Variants in FBXO4 observed in about 807,000 individuals in gnomAD.
FBXO4 encodes the protein F-box only protein 4.
A neutral mutation model predicts 43.7 loss-of-function variants in FBXO4; 36 were observed. The observed-to-expected ratio is 0.82, with a 90% CI of 0.63 to 1.09. The LOEUF (loss-of-function observed/expected upper bound fraction) is 1.09. FBXO4 is among the 50% of genes least tolerant of loss of function. The probability of loss-of-function intolerance (pLI) is 0.00; values close to 1 mark genes in which losing one functional copy is unlikely to be tolerated. For missense variants in FBXO4, 435 were observed against 474.1 expected (o/e 0.92, Z 0.77); for synonymous variants, 180 against 165.6 (o/e 1.09, Z -0.67).
chr5:41,991,147 A>G, the FBXO4 span, among the ~76,000 whole-genome samples: 1 of 152,146 alleles, frequency 6.6e-6, no homozygotes, highest in African/African-American at 2.4e-5. Context: ...TAACCTGCTG[A>G]CCATTTTATC....
chr5:42,038,634 TTTAG>T, the FBXO4 span, among the ~76,000 whole-genome samples: 2 of 152,222 alleles, frequency 1.3e-5, no homozygotes, highest in East Asian at 3.9e-4. Flanking sequence ...ATTCTACACT[TTTAG>T]TTATTTTAAA....
At chr5:41,996,365 G>A in the FBXO4 span, among the ~76,000 whole-genome samples, 1 of 152,168 alleles carries the variant, frequency 6.6e-6, no homozygotes, top group African/African-American at 2.4e-5. Flanking sequence ...AACAGGCCAA[G>A]AGCTGTCACT....
At chr5:41,965,679 G>A in the FBXO4 span, among the ~76,000 whole-genome samples, 7 of 152,216 alleles carry the variant, frequency 4.6e-5, no homozygotes, top group Non-Finnish European at 1.0e-4. Flanking sequence ...AGATACTGGA[G>A]AGGATGTGGA....
At chr5:41,946,432 T>C (rs760330026), downstream of FBXO4, among the ~76,000 whole-genome samples, 1 of 152,214 alleles carries the variant, frequency 6.6e-6, no homozygotes, top group African/African-American at 2.4e-5. Context: ...CTTTTTTAGC[T>C]GGTCGAATAA....
chr5:42,001,668 C>A, the FBXO4 span, among the ~76,000 whole-genome samples: 2 of 151,396 alleles, frequency 1.3e-5, no homozygotes, highest in African/African-American at 2.4e-5. Flanking sequence ...GGGATTGTTA[C>A]CTTACTTTTT....
chr5:41,930,095 G>A, intron 3 of FBXO4, 178 bp downstream of exon 3: 1 of 551,262 alleles, frequency 1.8e-6, no homozygotes, highest in East Asian at 3.0e-5. Flanking sequence ...CTATAAGAAA[G>A]CTTCCTCTTA....
At chr5:41,976,199 G>T in the FBXO4 span, among the ~76,000 whole-genome samples, 17 of 152,212 alleles carry the variant, frequency 1.1e-4, no homozygotes, top group African/African-American at 3.6e-4. Context: ...ATTTGGAGGG[G>T]AAAAATGTCC....
chr5:41,934,605 A>T (rs999141437), intron 5 of FBXO4: 2 of 1,292,996 alleles, frequency 1.5e-6, no homozygotes, highest in African/African-American at 3.0e-5. Context: ...GGGAATTCTG[A>T]TGCATTCCAA....
chr5:41,955,711 G>A, the FBXO4 span, among the ~76,000 whole-genome samples: 1 of 152,184 alleles, frequency 6.6e-6, no homozygotes, highest in Admixed American at 6.5e-5. Flanking sequence ...GATCTTCAGA[G>A]TCTCCCTTGC....
chr5:42,031,554 A>T, the FBXO4 span, among the ~76,000 whole-genome samples: 1 of 151,996 alleles, frequency 6.6e-6, no homozygotes, highest in Non-Finnish European at 1.5e-5. Flanking sequence ...GCACATGTAT[A>T]CATATGTAAC....
At chr5:41,963,925 G>T in the FBXO4 span, 1 of 152,196 alleles carries the variant, frequency 6.6e-6, no homozygotes, top group Non-Finnish European at 1.5e-5. Flanking sequence ...ATCTGCAACT[G>T]GTTGTGATCG....
the FBXO4 span, among the ~76,000 whole-genome samples, chr5:41,952,365 T>C: frequency 6.6e-6 from 1 of 152,208 alleles, no homozygotes; most frequent in Non-Finnish European, 1.5e-5. Flanking sequence ...AATTTGTTGT[T>C]CGTGCCTTTC....
the FBXO4 span, among the ~76,000 whole-genome samples, chr5:42,003,963 T>G: frequency 3.9e-5 from 6 of 152,128 alleles, no homozygotes; most frequent in Non-Finnish European, 8.8e-5. Flanking sequence ...GAGGAAAGAC[T>G]TGGAACTAAC....
chr5:41,989,111 T>A, the FBXO4 span, among the ~76,000 whole-genome samples: 1 of 152,184 alleles, frequency 6.6e-6, no homozygotes, highest in Non-Finnish European at 1.5e-5. Context: ...ACGGCCACAA[T>A]GATGTTAATA....
chr5:42,028,456 G>A, the FBXO4 span, among the ~76,000 whole-genome samples: 2 of 151,518 alleles, frequency 1.3e-5, no homozygotes, highest in Non-Finnish European at 3.0e-5. Context: ...AGATCAATCG[G>A]TCTTTCTTTT....
the FBXO4 span, among the ~76,000 whole-genome samples, chr5:42,014,372 A>G: frequency 6.6e-6 from 1 of 152,218 alleles, no homozygotes; most frequent in East Asian, 1.9e-4. Context: ...GTGAGTAGAC[A>G]TTAATTTAAT....
chr5:42,024,023 A>G, the FBXO4 span, among the ~76,000 whole-genome samples: 1 of 152,132 alleles, frequency 6.6e-6, no homozygotes, highest in African/African-American at 2.4e-5. Flanking sequence ...TTGTGACCTT[A>G]CTGGTCCCTT....
chr5:42,032,057 CTGTGTGTGTGTGTGTGTGTGTG>C, the FBXO4 span, among the ~76,000 whole-genome samples: 1 of 139,326 alleles, frequency 7.2e-6, no homozygotes, highest in African/African-American at 2.7e-5. Context: ...GTCTTTTTTT[CTGTGTGTGTGTGTGTGTGTGTG>C]TGTGTGTGTG....
the FBXO4 span, among the ~76,000 whole-genome samples, chr5:42,014,586 T>A: frequency 1.3e-5 from 2 of 152,202 alleles, no homozygotes; most frequent in African/African-American, 4.8e-5. Flanking sequence ...TACCCTCTTA[T>A]TATCTTAGTT....
Sources: allele counts gnomAD v4.1 joint callset (sites outside exome capture counted in the v4.1 genomes callset), GRCh38; gene constraint gnomAD v4.1.1; transcripts MANE v1.5; gene names NCBI Gene and HGNC (gene_info 2026-07-23, HGNC 2026-07-21).